Variants in SLC38A12 observed in about 807,000 individuals in gnomAD.
SLC38A12 encodes the protein solute carrier family 38 member 12, also known as putative sodium-coupled neutral amino acid transporter 12.
At chr17:74,811,067 C>T in the SLC38A12 span, among the ~76,000 whole-genome samples, 185 of 152,336 alleles carry the variant, frequency 1.2e-3, no homozygotes, top group African/African-American at 4.3e-3. Flanking sequence ...CCGTGGCTTA[C>T]GCCTGGAATC....
the SLC38A12 span, among the ~76,000 whole-genome samples, chr17:74,828,151 C>T: frequency 6.6e-6 from 1 of 152,240 alleles, no homozygotes; most frequent in Non-Finnish European, 1.5e-5. Flanking sequence ...TGGCCTCCAC[C>T]TCACAGTGTC....
At chr17:74,818,710 C>A in the SLC38A12 span, among the ~76,000 whole-genome samples, 1 of 152,324 alleles carries the variant, frequency 6.6e-6, no homozygotes, top group Admixed American at 6.5e-5. Flanking sequence ...CTCTGGTGAG[C>A]GTCATTAGCA....
chr17:74,835,932 G>A, the SLC38A12 span: 83 of 1,597,860 alleles, frequency 5.2e-5, no homozygotes, highest in Admixed American at 2.7e-4. Flanking sequence ...CCCAGCTTTC[G>A]CCGTCATGAT....
At chr17:74,828,694 G>C in the SLC38A12 span, among the ~76,000 whole-genome samples, 2 of 152,154 alleles carry the variant, frequency 1.3e-5, no homozygotes, top group African/African-American at 4.8e-5. Flanking sequence ...AGGCTGCCCT[G>C]GGGGTCACAG....
At chr17:74,837,383 A>G in the SLC38A12 span, 3 of 985,540 alleles carry the variant, frequency 3.0e-6, no homozygotes, top group Middle Eastern at 1.0e-3. Flanking sequence ...CTACAGGGAC[A>G]CAGCCGCCTG....
At chr17:74,790,757 A>T in the SLC38A12 span, among the ~76,000 whole-genome samples, 1 of 148,594 alleles carries the variant, frequency 6.7e-6, no homozygotes, top group Admixed American at 6.7e-5. Flanking sequence ...CAGCAGGAGC[A>T]TCTCTGAATT....
the SLC38A12 span, chr17:74,839,191 G>A: frequency 6.7e-6 from 10 of 1,485,234 alleles, no homozygotes; most frequent in East Asian, 2.5e-5. Context: ...CGGATGGCAG[G>A]TGATAGACTG....
At chr17:74,817,316 G>A in the SLC38A12 span, among the ~76,000 whole-genome samples, 1 of 152,144 alleles carries the variant, frequency 6.6e-6, no homozygotes, top group Non-Finnish European at 1.5e-5. Flanking sequence ...TGGTCGGTCT[G>A]TACTCCTGAG....
At chr17:74,808,011 G>A in the SLC38A12 span, among the ~76,000 whole-genome samples, 117 of 152,338 alleles carry the variant, frequency 7.7e-4, no homozygotes, top group African/African-American at 2.7e-3. Flanking sequence ...TGACTGTGTG[G>A]GTTTTCCACA....
At chr17:74,792,891 C>T in the SLC38A12 span, among the ~76,000 whole-genome samples, 22 of 152,238 alleles carry the variant, frequency 1.4e-4, no homozygotes, top group Admixed American at 1.4e-3. Context: ...TCTCACCAGC[C>T]TGAGCAAGCA....
the SLC38A12 span, among the ~76,000 whole-genome samples, chr17:74,789,845 C>CAAAAA: frequency 2.1e-5 from 1 of 47,428 alleles, no homozygotes; most frequent in Admixed American, 2.4e-4. Flanking sequence ...AACTTCGTCT[C>CAAAAA]AAAAAAAAAA....
At chr17:74,819,518 G>A in the SLC38A12 span, among the ~76,000 whole-genome samples, 42 of 152,348 alleles carry the variant, frequency 2.8e-4, no homozygotes, top group African/African-American at 8.7e-4. Context: ...CAGCATTGTC[G>A]GAACAGTACA....
the SLC38A12 span, among the ~76,000 whole-genome samples, chr17:74,825,039 C>T: frequency 6.6e-6 from 1 of 152,174 alleles, no homozygotes; most frequent in East Asian, 1.9e-4. Context: ...CCAGGGGTCT[C>T]GTGTCTGGGC....
the SLC38A12 span, among the ~76,000 whole-genome samples, chr17:74,783,721 C>CTTTTTTTTTTTTT: frequency 9.6e-6 from 1 of 104,010 alleles, no homozygotes; most frequent in Non-Finnish European, 1.9e-5. Context: ...CATGCTTTTT[C>CTTTTTTTTTTTTT]TTTTTTTTTT....
chr17:74,838,215 C>T, the SLC38A12 span: 1 of 985,656 alleles, frequency 1.0e-6, no homozygotes, highest in African/African-American at 1.7e-5. Flanking sequence ...CTCAGTGTTT[C>T]TCATAGCTTG....
the SLC38A12 span, chr17:74,795,054 A>T: frequency 6.2e-7 from 1 of 1,613,960 alleles, no homozygotes; most frequent in Non-Finnish European, 8.5e-7. Context: ...GTTTACCTGT[A>T]TGGAGACCTC....
At chr17:74,804,641 G>A in the SLC38A12 span, among the ~76,000 whole-genome samples, 12 of 152,252 alleles carry the variant, frequency 7.9e-5, no homozygotes, top group Non-Finnish European at 1.5e-5. Context: ...CCCCATGTGA[G>A]TGTGACTCTA....
chr17:74,794,955 A>T, the SLC38A12 span: 2 of 1,461,312 alleles, frequency 1.4e-6, no homozygotes, highest in Non-Finnish European at 1.9e-6. Context: ...AAGAAAAAAA[A>T]AAAAACATGC....
the SLC38A12 span, among the ~76,000 whole-genome samples, chr17:74,830,485 T>TGCTTCTCTTC: frequency 6.4e-4 from 98 of 152,348 alleles, no homozygotes; most frequent in Non-Finnish European, 2.5e-4. Context: ...GGGGAAAGGC[T>TGCTTCTCTTC]GCTTCTCTTC....
Sources: gnomAD v4.1 joint callset for allele counts (sites outside exome capture counted in the v4.1 genomes callset) on GRCh38, gnomAD v4.1.1 for gene constraint, MANE v1.5 for transcripts, NCBI Gene and HGNC (gene_info 2026-07-23, HGNC 2026-07-21) for gene names.